CDC42BPA: variants seen among roughly 807,000 people sequenced by gnomAD.
CDC42BPA encodes the protein CDC42 binding protein kinase alpha, also known as serine/threonine-protein kinase MRCK alpha.
CDC42BPA carries 80 observed loss-of-function variants against 223.5 expected under a neutral mutation model. The observed-to-expected ratio is 0.36, with a 90% CI of 0.30 to 0.43. The LOEUF (loss-of-function observed/expected upper bound fraction) is 0.43, where lower values mean the gene tolerates loss of function less well. CDC42BPA is among the 20% of genes least tolerant of loss of function. The pLI is 1.00. For missense variants in CDC42BPA, 1,743 were observed against 2,099.9 expected, an observed-to-expected ratio of 0.83 and a Z score of 3.32; for synonymous variants, 694 against 718.6, an observed-to-expected ratio of 0.97 and a Z score of 0.55.
At chr1:227,002,268 T>C (rs12409428) in intron 35 of CDC42BPA, among the ~76,000 whole-genome samples, 57,469 of 152,196 alleles carry the variant, frequency 0.38, 11,519 homozygotes, top group Non-Finnish European at 0.46. Context: ...AGATAACTTA[T>C]AGTTAGTAAC....
Position 227,217,344 on chromosome 1 carries a change from G to C in CDC42BPA, c.271-4125C>G, listed in dbSNP as rs566520938. 5.9e-5 allele frequency among the ~76,000 whole-genome samples: 9 copies of C among 152,060 alleles called. No homozygotes were observed. The South Asian group carries it at 1.9e-3, about 32-fold the overall frequency. On this transcript the variant is annotated intron_variant, in intron 2 of 36. Coordinates refer to ENST00000366766, the MANE Select transcript of CDC42BPA (RefSeq NM_001394014.1). ...CGCCTGTAGTCCCAGCTACTAGGGA[G>C]GCTGAGGCAGGAGAATTGCTTGAAC... is the stretch of plus-strand genomic sequence containing the variant.
chr1:227,293,130 A>T (rs927458911), intron 1 of CDC42BPA, among the ~76,000 whole-genome samples: 1 of 152,220 alleles, frequency 6.6e-6, no homozygotes, highest in African/African-American at 2.4e-5. Context: ...TTAATCAAAT[A>T]AATATTTATT....
At chr1:227,196,655 T>C (rs1056008589) in intron 4 of CDC42BPA, among the ~76,000 whole-genome samples, 2 of 152,290 alleles carry the variant, frequency 1.3e-5, no homozygotes, top group Admixed American at 1.3e-4. Flanking sequence ...AATACTTTTC[T>C]TAAAAAAATT....
chr1:227,093,137 A>C (rs1383411685), intron 15 of CDC42BPA, among the ~76,000 whole-genome samples: 1 of 152,208 alleles, frequency 6.6e-6, no homozygotes, highest in Non-Finnish European at 1.5e-5. Context: ...ACAGTTCCTC[A>C]GTCTTCCCTA....
intron 3 of CDC42BPA, among the ~76,000 whole-genome samples, chr1:227,207,648 G>C (rs1673037902): frequency 6.6e-6 from 1 of 150,966 alleles, no homozygotes; most frequent in South Asian, 2.1e-4. Flanking sequence ...AGTTTACTAA[G>C]AATGATGATT....
At position 227,146,752 on chromosome 1, in the gene CDC42BPA, T is replaced by C. The variant is rs114111928; in HGVS notation, c.894+607A>G. Among the ~76,000 whole-genome samples, 909 of 152,246 alleles carry C rather than the reference T, an allele frequency of 6.0e-3. 10 individuals are homozygous for C. Among genetic ancestry groups the C allele is most frequent in the African/African-American group, 0.021 (856 of 41,550 alleles). On this transcript the variant is annotated intron_variant, in intron 7 of 36. Coordinates refer to ENST00000366766, the MANE Select transcript of CDC42BPA (RefSeq NM_001394014.1). ...GTTAGAATAGGTATCCTTGTACATA[T>C]ATCTTTGTTCTACTGAGAATGTCAT...
chr1:227,107,337 G>A (rs12405122), intron 14 of CDC42BPA, among the ~76,000 whole-genome samples: 23,525 of 152,048 alleles, frequency 0.15, 2,209 homozygotes, highest in African/African-American at 0.25. Flanking sequence ...CAGACTGTTC[G>A]TGCTGCCTTA....
intron 9 of CDC42BPA, among the ~76,000 whole-genome samples, chr1:227,139,981 T>TA: frequency 6.6e-6 from 1 of 152,154 alleles, no homozygotes; most frequent in East Asian, 1.9e-4. Context: ...AATGAAAACC[T>TA]AAAATCCCCC....
chr1:227,054,254 A>G (rs892517202), intron 21 of CDC42BPA, among the ~76,000 whole-genome samples: 1 of 152,128 alleles, frequency 6.6e-6, no homozygotes, highest in Non-Finnish European at 1.5e-5. Flanking sequence ...TCTGGGTTTG[A>G]TTATTTCAAA....
intron 34 of CDC42BPA, among the ~76,000 whole-genome samples, chr1:227,007,737 A>T (rs538621349): frequency 6.6e-6 from 1 of 152,228 alleles, no homozygotes; most frequent in East Asian, 1.9e-4. Flanking sequence ...ATTTATCCAC[A>T]TACCTGCCAT....
chr1:227,164,664 CT>C (rs1664708042), intron 5 of CDC42BPA, among the ~76,000 whole-genome samples: 1 of 152,164 alleles, frequency 6.6e-6, no homozygotes, highest in African/African-American at 2.4e-5. Flanking sequence ...ACTCCTATCT[CT>C]TTTCAAGTGC....
At chr1:227,010,784 A>G (rs940341918) in intron 34 of CDC42BPA, 4 of 610,058 alleles carry the variant, frequency 6.6e-6, no homozygotes, top group African/African-American at 6.0e-5. Context: ...GGTTCACAAG[A>G]TGGCACCATT....
chr1:227,138,604 G>A (rs1190851042), intron 10 of CDC42BPA, among the ~76,000 whole-genome samples: 1 of 149,324 alleles, frequency 6.7e-6, no homozygotes, highest in African/African-American at 2.5e-5. Flanking sequence ...AAAAGGTGAA[G>A]ACAGAAATCA....
At chr1:227,153,751 T>C (rs1572012647) in intron 6 of CDC42BPA, among the ~76,000 whole-genome samples, 1 of 151,932 alleles carries the variant, frequency 6.6e-6, no homozygotes. Context: ...ACAAAATCTA[T>C]CTGCAAAACA....
At chr1:227,244,615 T>G (rs1253703742) in intron 2 of CDC42BPA, among the ~76,000 whole-genome samples, 1 of 152,120 alleles carries the variant, frequency 6.6e-6, no homozygotes, top group Non-Finnish European at 1.5e-5. Context: ...TGAAGCAAGG[T>G]AGCAGAATAG....
chr1:227,214,806 G>A (rs1288767789), intron 2 of CDC42BPA, among the ~76,000 whole-genome samples: 1 of 152,086 alleles, frequency 6.6e-6, no homozygotes, highest in African/African-American at 2.4e-5. Context: ...GTATGTATCT[G>A]ATGATAACTA....
chr1:227,088,499 T>C (rs1682421478), intron 16 of CDC42BPA, among the ~76,000 whole-genome samples: 2 of 152,190 alleles, frequency 1.3e-5, no homozygotes, highest in South Asian at 2.1e-4. Flanking sequence ...GAAAGGAACA[T>C]ACAAAATTAA....
At chr1:227,310,787 C>T (rs1472120758) in intron 1 of CDC42BPA, among the ~76,000 whole-genome samples, 3 of 151,206 alleles carry the variant, frequency 2.0e-5, no homozygotes, top group Admixed American at 6.6e-5. Context: ...CCTGGGTTCA[C>T]GCCATTCTCC....
intron 2 of CDC42BPA, among the ~76,000 whole-genome samples, chr1:227,250,597 T>C (rs771652585): frequency 2.0e-5 from 3 of 152,138 alleles, no homozygotes; most frequent in Non-Finnish European, 2.9e-5. Context: ...CATCGAGTTA[T>C]ATGTGTGTAT....
Sources: allele counts gnomAD v4.1 joint callset (sites outside exome capture counted in the v4.1 genomes callset), GRCh38; gene constraint gnomAD v4.1.1; transcripts MANE v1.5; gene names NCBI Gene and HGNC (gene_info 2026-07-23, HGNC 2026-07-21).